Variants in EML4 observed in about 807,000 individuals in gnomAD.
EML4 encodes echinoderm microtubule-associated protein-like 4.
EML4 carries 72 observed loss-of-function variants against 129.0 expected under a neutral mutation model. The ratio of observed to expected loss-of-function variants is 0.56; its 90% CI spans 0.46 to 0.68. EML4 has a LOEUF of 0.68. Among genes scored for constraint, EML4 ranks in the 30% least tolerant of loss-of-function variants. The probability of loss-of-function intolerance (pLI) is 0.00; values close to 1 mark genes in which losing one functional copy is unlikely to be tolerated. For missense variants in EML4, 1,363 were observed against 1,190.6 expected, an observed-to-expected ratio of 1.14 and a Z score of -2.13; for synonymous variants, 532 against 405.0, an observed-to-expected ratio of 1.31 and a Z score of -3.77.
rs778441940 is a variant in EML4, at chr2:42,261,195, G to C, written c.413G>C (p.Ser138Thr). The C allele has an allele frequency of 1.9e-6, 3 of 1,613,802 alleles. No homozygotes were observed. Among genetic ancestry groups the C allele is most frequent in the Non-Finnish European group, 2.5e-6 (3 of 1,179,886 alleles). The part of the protein sequence containing the change: ...KKEESHSNDQ[S>T]PQIRASPSPQ... ...GAGGAATCTCATTCTAATGATCAAAGTCCACAAATTCGAGCATCACCTTCT... is the reference window on the plus strand; with the variant it reads ...GAGGAATCTCATTCTAATGATCAAACTCCACAAATTCGAGCATCACCTTCT... The change falls in exon 4 of 23, where the codon AGT becomes ACT. Residue 138 changes from serine (S) to threonine (T), a missense_variant. By Grantham distance (58) the Ser-to-Thr change is moderately conservative (BLOSUM62 1). Transcript: ENST00000318522.
At position 42,329,738 on chromosome 2, in the gene EML4, C is replaced by T; in HGVS notation, c.2477C>T (p.Pro826Leu). 1 of 1,612,120 alleles carries T rather than the reference C, an allele frequency of 6.2e-7. No individual in the cohort carries two copies. The highest frequency in any genetic ancestry group is 8.5e-7 in the Non-Finnish European group (1 of 1,178,418). The stretch of plus-strand genomic sequence containing the variant: ...TGTCTGATTTATTTCATATAGGCTC[C>T]CAGTCACAAGTACAGTGCCCACAGC... Reference protein sequence around the residue: ...FQYPCSKAKAPSHKYSAHSSH... With the variant: ...FQYPCSKAKALSHKYSAHSSH... Residue 826 changes from proline (P) to leucine (L), a missense_variant, in exon 23 of 23, where the codon CCC becomes CTC. Pro to Leu is a moderately conservative substitution (Grantham distance 98, BLOSUM62 -3). Transcript: ENST00000318522.
At chr2:42,202,936 G>A (rs1375952167) in intron 1 of EML4, among the ~76,000 whole-genome samples, 1 of 152,122 alleles carries the variant, frequency 6.6e-6, no homozygotes, top group Admixed American at 6.5e-5. Flanking sequence ...GCTAAGACCT[G>A]AGGATTCCTT....
At position 42,197,209 on chromosome 2, in the gene EML4, C is replaced by T. The variant is rs145886688; in HGVS notation, c.25+27573C>T. Among the ~76,000 whole-genome samples, 14 of 152,166 alleles carry T rather than the reference C, an allele frequency of 9.2e-5. No individual in the cohort carries two copies. The East Asian group carries it at 2.7e-3, about 29-fold the overall frequency. The stretch of plus-strand genomic sequence containing the variant: ...TCCCGAGTGGCTGGCACCACAGGCA[C>T]GCACCACCACTCCTGGCTAATTTTC... On this transcript the variant is annotated intron_variant, in intron 1 of 22. Transcript: ENST00000318522.
At chr2:42,321,423 C>G (rs943559321) in intron 19 of EML4, among the ~76,000 whole-genome samples, 10 of 151,980 alleles carry the variant, frequency 6.6e-5, no homozygotes, top group Non-Finnish European at 1.5e-4. Flanking sequence ...TTGAACACAT[C>G]AGGGATATGG....
At position 42,260,982 on chromosome 2, in the gene EML4, C is replaced by T. The variant is rs999268960; in HGVS notation, c.339-139C>T. 17 of 597,162 alleles carry T rather than the reference C, an allele frequency of 2.8e-5. No individual in the cohort carries two copies. The Admixed American group carries it at 3.6e-4, about 13-fold the overall frequency. 37.0% of individuals were successfully genotyped at this position (597,162 alleles called of 1,614,324 possible). Reference sequence around the variant, plus strand: ...CTGGAATTTTCAAAGAAATATTGTCCTTATTGAATGAAAACAGTGCAAATT... The same window carrying T: ...CTGGAATTTTCAAAGAAATATTGTCTTTATTGAATGAAAACAGTGCAAATT... On this transcript the variant is annotated intron_variant, in intron 3 of 22. Transcript: ENST00000318522.
intron 1 of EML4, among the ~76,000 whole-genome samples, chr2:42,209,982 TAGAAC>T (rs1367853690): frequency 1.3e-5 from 2 of 152,044 alleles, no homozygotes; most frequent in Non-Finnish European, 2.9e-5. Flanking sequence ...AGACTTCATT[TAGAAC>T]AGTTTTACAT....
At chr2:42,233,543 A>C (rs61229275) in intron 1 of EML4, among the ~76,000 whole-genome samples, 6,480 of 151,692 alleles carry the variant, frequency 0.043, 432 homozygotes, top group African/African-American at 0.15. Context: ...TCCTGACCTC[A>C]TGATCCGCCT....
chr2:42,182,730 A>G (rs1052258254), intron 1 of EML4, among the ~76,000 whole-genome samples: 1 of 152,212 alleles, frequency 6.6e-6, no homozygotes, highest in African/African-American at 2.4e-5. Flanking sequence ...ATACAAAATT[A>G]CCACAGACTG....
At chr2:42,214,400 T>C (rs6544518) in intron 1 of EML4, among the ~76,000 whole-genome samples, 57,064 of 151,894 alleles carry the variant, frequency 0.38, 10,944 homozygotes, top group East Asian at 0.56. Flanking sequence ...TTTCCTTTAC[T>C]TTGTTTTCCT....
chr2:42,174,121 G>C (rs1670434701), intron 1 of EML4, among the ~76,000 whole-genome samples: 1 of 152,126 alleles, frequency 6.6e-6, no homozygotes, highest in South Asian at 2.1e-4. Context: ...ACTGTATTTT[G>C]TATGTGGGAG....
chr2:42,264,857 G>T, intron 6 of EML4, 126 bp downstream of exon 6: 2 of 1,495,942 alleles, frequency 1.3e-6, no homozygotes, highest in Non-Finnish European at 9.1e-7. Flanking sequence ...GTGCGTTACT[G>T]TAGTCATTTA....
At chr2:42,190,279 T>TC (rs1272807260) in intron 1 of EML4, among the ~76,000 whole-genome samples, 1 of 152,022 alleles carries the variant, frequency 6.6e-6, no homozygotes, top group Non-Finnish European at 1.5e-5. Context: ...TCCTGCTGAG[T>TC]CCCCCCACAA....
At chr2:42,241,094 G>A (rs543537202) in intron 1 of EML4, among the ~76,000 whole-genome samples, 14 of 152,148 alleles carry the variant, frequency 9.2e-5, no homozygotes, top group South Asian at 4.2e-4. Context: ...CCCATGAGGC[G>A]GAGGTTGCAG....
At chr2:42,198,312 T>A (rs1572525956) in intron 1 of EML4, among the ~76,000 whole-genome samples, 1 of 152,188 alleles carries the variant, frequency 6.6e-6, no homozygotes, top group East Asian at 1.9e-4. Flanking sequence ...AGAATGGGCA[T>A]GTATGATTGA....
At chr2:42,300,513 C>T (rs545453896) in intron 13 of EML4, among the ~76,000 whole-genome samples, 2 of 152,250 alleles carry the variant, frequency 1.3e-5, no homozygotes, top group African/African-American at 2.4e-5. Flanking sequence ...TGTTATTTAG[C>T]CATCACATTG....
intron 6 of EML4, among the ~76,000 whole-genome samples, chr2:42,275,336 A>G (rs1420891971): frequency 2.6e-5 from 4 of 152,194 alleles, no homozygotes; most frequent in African/African-American, 9.7e-5. Context: ...GTAAGTGTTC[A>G]GTAATCAGTG....
chr2:42,240,231 G>A (rs1674934262), intron 1 of EML4, among the ~76,000 whole-genome samples: 1 of 151,824 alleles, frequency 6.6e-6, no homozygotes, highest in Non-Finnish European at 1.5e-5. Context: ...CAGAAGCAAT[G>A]CATTTTACCT....
intron 1 of EML4, among the ~76,000 whole-genome samples, chr2:42,181,836 A>G (rs1018716752): frequency 6.6e-6 from 1 of 152,084 alleles, no homozygotes; most frequent in African/African-American, 2.4e-5. Context: ...TAGTTCTTTT[A>G]TGGAGAAAGG....
Position 42,245,566 on chromosome 2 carries a change from A to G in EML4, c.87A>G (p.Ser29=). 1 of 1,613,912 alleles carries G rather than the reference A, an allele frequency of 6.2e-7. No individual in the cohort carries two copies. Among genetic ancestry groups the G allele is most frequent in the South Asian group, 1.1e-5 (1 of 91,076 alleles). Reference sequence around the variant, plus strand: ...AAGATCGCCTGTCAGCTCTTGAGTCACGAGTTCAGCAACAAGAAGATGAAA... The same window carrying G: ...AAGATCGCCTGTCAGCTCTTGAGTCGCGAGTTCAGCAACAAGAAGATGAAA... ...DVQDRLSALE[S]RVQQQEDEIT... The change falls in exon 2 of 23, where the codon TCA becomes TCG. Residue 29 remains serine (S), a synonymous_variant. Transcript: ENST00000318522.
Sources: allele counts gnomAD v4.1 joint callset (sites outside exome capture counted in the v4.1 genomes callset), GRCh38; gene constraint gnomAD v4.1.1; transcripts MANE v1.5; gene names NCBI Gene and HGNC (gene_info 2026-07-23, HGNC 2026-07-21).